Variants in ASIC2 observed in about 807,000 individuals in gnomAD.
The protein encoded by ASIC2 is acid-sensing ion channel 2.
ASIC2 carries 25 observed loss-of-function variants against 57.3 expected under a neutral mutation model. The observed-to-expected ratio is 0.44, with a 90% CI of 0.32 to 0.61. The LOEUF (loss-of-function observed/expected upper bound fraction) is 0.61, where lower values mean the gene tolerates loss of function less well. Ranked by LOEUF, ASIC2 falls within the 20% of genes least tolerant of loss-of-function variation. The probability of loss-of-function intolerance (pLI) is 0.06; values close to 1 mark genes in which losing one functional copy is unlikely to be tolerated. For missense variants in ASIC2, 641 were observed against 738.1 expected (o/e 0.87, Z 1.52); for synonymous variants, 319 against 307.5 (o/e 1.04, Z -0.39).
At chr17:33,588,612 G>T (rs114882022) in intron 1 of ASIC2, among the ~76,000 whole-genome samples, 4,613 of 152,288 alleles carry the variant, frequency 0.03, 178 homozygotes, top group African/African-American at 0.09. Flanking sequence ...GAATGGGGAA[G>T]ACAGAAAGAG....
intron 1 of ASIC2, among the ~76,000 whole-genome samples, chr17:34,011,626 C>T (rs962970977): frequency 6.6e-6 from 1 of 152,184 alleles, no homozygotes; most frequent in Non-Finnish European, 1.5e-5. Flanking sequence ...GGCATGGCCT[C>T]CGCCTCCACT....
At chr17:33,393,532 G>A (rs965217920) in intron 1 of ASIC2, among the ~76,000 whole-genome samples, 12 of 152,230 alleles carry the variant, frequency 7.9e-5, no homozygotes, top group Non-Finnish European at 1.6e-4. Context: ...CACTATCTGA[G>A]AGCTATGGAT....
intron 1 of ASIC2, among the ~76,000 whole-genome samples, chr17:33,685,845 T>C (rs1432175838): frequency 6.6e-6 from 1 of 152,146 alleles, no homozygotes; most frequent in African/African-American, 2.4e-5. Flanking sequence ...TCTGATATGG[T>C]GCCCATATCT....
chr17:33,206,904 A>C (rs1907083145), intron 1 of ASIC2, among the ~76,000 whole-genome samples: 2 of 152,164 alleles, frequency 1.3e-5, no homozygotes, highest in East Asian at 3.9e-4. Flanking sequence ...CCAAGGTGGT[A>C]GTGGAGAGCT....
At chr17:33,205,675 T>G (rs940302469) in intron 1 of ASIC2, among the ~76,000 whole-genome samples, 1 of 152,232 alleles carries the variant, frequency 6.6e-6, no homozygotes, top group Admixed American at 6.5e-5. Context: ...AACTGGCCTC[T>G]TGCTGGAGGC....
intron 1 of ASIC2, among the ~76,000 whole-genome samples, chr17:33,877,798 A>G (rs991052546): frequency 1.2e-4 from 19 of 152,234 alleles, no homozygotes; most frequent in Admixed American, 3.3e-4. Context: ...CTGAGAACAG[A>G]CAGACTGCCT....
chr17:33,310,686 G>A (rs1906374624), intron 1 of ASIC2, among the ~76,000 whole-genome samples: 1 of 152,014 alleles, frequency 6.6e-6, no homozygotes, highest in Admixed American at 6.6e-5. Context: ...TTCTAGAAGG[G>A]GAAAAGTACT....
chr17:33,938,354 G>A (rs1567761943), intron 1 of ASIC2, among the ~76,000 whole-genome samples: 2 of 152,076 alleles, frequency 1.3e-5, no homozygotes, highest in African/African-American at 4.8e-5. Context: ...TCCCACCAAC[G>A]CTAGAGGCTG....
chr17:34,076,040 T>C (rs1247442823), intron 1 of ASIC2, among the ~76,000 whole-genome samples: 1 of 151,894 alleles, frequency 6.6e-6, no homozygotes, highest in Non-Finnish European at 1.5e-5. Context: ...TCTCACTTTG[T>C]TGCCCAGGCT....
intron 1 of ASIC2, among the ~76,000 whole-genome samples, chr17:33,166,800 C>T (rs1905323177): frequency 6.6e-6 from 1 of 152,198 alleles, no homozygotes; most frequent in Non-Finnish European, 1.5e-5. Flanking sequence ...GCTGGCTTTG[C>T]CGAATGCATC....
chr17:33,332,790 C>A (rs1050788326), intron 1 of ASIC2, among the ~76,000 whole-genome samples: 1 of 152,184 alleles, frequency 6.6e-6, no homozygotes, highest in Non-Finnish European at 1.5e-5. Context: ...ACTCAGGAGG[C>A]TGAGGCAGGA....
intron 1 of ASIC2, among the ~76,000 whole-genome samples, chr17:33,905,165 T>TC (rs35706158): frequency 0.32 from 34,320 of 107,508 alleles, 5,006 homozygotes; most frequent in African/African-American, 0.34. Flanking sequence ...TTTTTTTTTT[T>TC]CCACTTAGCG....
chr17:33,059,951 A>G (rs1237273670), intron 3 of ASIC2, among the ~76,000 whole-genome samples: 1 of 152,206 alleles, frequency 6.6e-6, no homozygotes, highest in Non-Finnish European at 1.5e-5. Context: ...GGCAGCATCA[A>G]TGTCTTCTTC....
chr17:33,620,114 G>A (rs903103246), intron 1 of ASIC2, among the ~76,000 whole-genome samples: 1 of 151,450 alleles, frequency 6.6e-6, no homozygotes, highest in Non-Finnish European at 1.5e-5. Context: ...AGTACCTGTC[G>A]AATTTTGAAC....
At chr17:33,654,676 C>T (rs1907024375) in intron 1 of ASIC2, among the ~76,000 whole-genome samples, 1 of 152,148 alleles carries the variant, frequency 6.6e-6, no homozygotes, top group Non-Finnish European at 1.5e-5. Context: ...TGATTTGGGA[C>T]CCAGAGCTCT....
chr17:33,330,424 G>C (rs1351603137), intron 1 of ASIC2, among the ~76,000 whole-genome samples: 2 of 152,154 alleles, frequency 1.3e-5, no homozygotes, highest in African/African-American at 4.8e-5. Context: ...AGGATCAGAA[G>C]AATAAAGTCT....
At chr17:33,477,305 T>C (rs1038108560) in intron 1 of ASIC2, among the ~76,000 whole-genome samples, 1 of 152,220 alleles carries the variant, frequency 6.6e-6, no homozygotes, top group Non-Finnish European at 1.5e-5. Context: ...CTTCATTTTT[T>C]AAAATTTCTA....
At chr17:33,283,708 G>C (rs1179132905) in intron 1 of ASIC2, among the ~76,000 whole-genome samples, 1 of 152,152 alleles carries the variant, frequency 6.6e-6, no homozygotes, top group Non-Finnish European at 1.5e-5. Context: ...TGTGCTGAGT[G>C]ACCTCAGGCA....
chr17:34,082,573 T>C (rs1909928619), intron 1 of ASIC2, among the ~76,000 whole-genome samples: 1 of 152,214 alleles, frequency 6.6e-6, no homozygotes, highest in Non-Finnish European at 1.5e-5. Context: ...GGCCAGCTTC[T>C]GCAAAAATGC....
Sources: gnomAD v4.1 joint callset for allele counts (sites outside exome capture counted in the v4.1 genomes callset) on GRCh38, gnomAD v4.1.1 for gene constraint, MANE v1.5 for transcripts, NCBI Gene and HGNC (gene_info 2026-07-23, HGNC 2026-07-21) for gene names.